The following ZNF710 variants were observed in gnomAD, a reference collection of about 807,000 sequenced individuals.
The protein encoded by ZNF710 is zinc finger protein 710.
A neutral mutation model predicts 50.6 loss-of-function variants in ZNF710; 13 were observed. The observed-to-expected ratio is 0.26, with a 90% CI of 0.17 to 0.41. The LOEUF is 0.41. Ranked by LOEUF, ZNF710 falls within the 10% of genes least tolerant of loss-of-function variation. ZNF710 has a pLI of 1.00. For synonymous variants in ZNF710, 383 were observed against 397.0 expected (o/e 0.96, Z 0.42); for missense variants, 721 against 936.6 (o/e 0.77, Z 3.01).
chr15:90,031,018 C>CATAA (rs1898927654), intron 1 of ZNF710, among the ~76,000 whole-genome samples: 1 of 89,792 alleles, frequency 1.1e-5, no homozygotes, highest in Non-Finnish European at 2.0e-5. Flanking sequence ...GACTCCGTCT[C>CATAA]AAAAAAAAAG....
chr15:90,043,567 A>G (rs566615039), intron 1 of ZNF710, among the ~76,000 whole-genome samples: 1 of 152,238 alleles, frequency 6.6e-6, no homozygotes, highest in Admixed American at 6.5e-5. Flanking sequence ...TATTTTTTGT[A>G]CTTTTAGGAA....
chr15:90,028,010 T>G (rs1338453561), intron 1 of ZNF710, among the ~76,000 whole-genome samples: 4 of 152,226 alleles, frequency 2.6e-5, no homozygotes, highest in Non-Finnish European at 4.4e-5. Context: ...ATTTGTTGAC[T>G]CTATTGAATT....
chr15:90,049,733 C>T (rs1899579859), intron 1 of ZNF710, among the ~76,000 whole-genome samples: 1 of 152,216 alleles, frequency 6.6e-6, no homozygotes, highest in African/African-American at 2.4e-5. Context: ...CTCTGGTTCT[C>T]CTCCCGCCTC....
At chr15:90,051,612 G>A (rs1489597358) in intron 1 of ZNF710, among the ~76,000 whole-genome samples, 1 of 152,162 alleles carries the variant, frequency 6.6e-6, no homozygotes, top group South Asian at 2.1e-4. Flanking sequence ...CAGCCTTGGC[G>A]ACAGAGTGAG....
Position 90,065,253 on chromosome 15 carries a change from G to A in ZNF710, c.-28-1857G>A, listed in dbSNP as rs538509390. Among the ~76,000 whole-genome samples, 110 of 152,298 alleles carry A rather than the reference G, an allele frequency of 7.2e-4. 1 individual carries two copies. The highest frequency in any genetic ancestry group is 1.0e-3 in the South Asian group (5 of 4,822). On this transcript the variant is annotated intron_variant, in intron 1 of 4. Transcript: ENST00000268154. ...CTGGGGGGAGGGGGACGCCTTGCCC[G>A]GAGCCGGTTTCCTGAGGAAGGGCCG...
At chr15:90,075,691 G>C (rs1345335062) in intron 4 of ZNF710, 12 of 152,256 alleles carry the variant, frequency 7.9e-5, no homozygotes, top group African/African-American at 2.9e-4. Flanking sequence ...CAGCTGACCA[G>C]TGAATGGCCT....
At chr15:90,074,000 C>CAAAA in intron 3 of ZNF710, 116 bp from the exon 4 acceptor site, 7 of 808,542 alleles carry the variant, frequency 8.7e-6, no homozygotes, top group Non-Finnish European at 1.2e-5. Context: ...AAAAAAAAAA[C>CAAAA]AAAAAAAAAA....
intron 1 of ZNF710, among the ~76,000 whole-genome samples, chr15:90,030,147 T>C (rs1028211618): frequency 6.7e-6 from 1 of 150,346 alleles, no homozygotes; most frequent in Non-Finnish European, 1.5e-5. Flanking sequence ...CTGGCCAACA[T>C]GGTGAAACCC....
intron 4 of ZNF710, chr15:90,074,632 T>C (rs1038123541): frequency 1.4e-6 from 1 of 736,996 alleles, no homozygotes; most frequent in Admixed American, 3.3e-5. Flanking sequence ...ATGCAGAAAC[T>C]GAAGAACAGA....
At chr15:90,028,508 A>G (rs1009644324) in intron 1 of ZNF710, among the ~76,000 whole-genome samples, 5 of 152,222 alleles carry the variant, frequency 3.3e-5, no homozygotes, top group Admixed American at 6.5e-5. Context: ...GAGTTTACCA[A>G]TGGCCTCCTG....
intron 1 of ZNF710, among the ~76,000 whole-genome samples, chr15:90,011,166 G>A (rs954489863): frequency 6.6e-6 from 1 of 151,926 alleles, no homozygotes; most frequent in Non-Finnish European, 1.5e-5. Context: ...CTGACCTCAC[G>A]TGATCCACCC....
At chr15:90,000,823 G>C (rs548768632), upstream of ZNF710, among the ~76,000 whole-genome samples, 1 of 152,236 alleles carries the variant, frequency 6.6e-6, no homozygotes, top group East Asian at 1.9e-4. Flanking sequence ...CACCCGCACC[G>C]GCTCTCCTCT....
At chr15:90,003,012 T>G (rs1898053587) in intron 1 of ZNF710, among the ~76,000 whole-genome samples, 1 of 152,202 alleles carries the variant, frequency 6.6e-6, no homozygotes, top group Non-Finnish European at 1.5e-5. Flanking sequence ...TAGCTGGGAC[T>G]ACAGGCGCAC....
chr15:89,998,310 CT>C (rs1321318435), upstream of ZNF710, among the ~76,000 whole-genome samples: 1 of 152,204 alleles, frequency 6.6e-6, no homozygotes, highest in Non-Finnish European at 1.5e-5. Flanking sequence ...CAGGTGCCTG[CT>C]CCCAGGGGCC....
intron 4 of ZNF710, among the ~76,000 whole-genome samples, chr15:90,077,203 G>A (rs1347555319): frequency 6.7e-6 from 1 of 148,980 alleles, no homozygotes; most frequent in African/African-American, 2.5e-5. Flanking sequence ...TGGGGACGGT[G>A]TACAGAGATC....
chr15:90,046,410 T>A lies in ZNF710; in HGVS notation c.-28-20700T>A, dbSNP rs114104659. Among the ~76,000 whole-genome samples the A allele has an allele frequency of 5.0e-3, 759 of 151,504 alleles. 4 individuals carry two copies. Among genetic ancestry groups the A allele is most frequent in the African/African-American group, 0.017 (716 of 41,236 alleles). On this transcript the variant is annotated intron_variant, in intron 1 of 4. Transcript: ENST00000268154. ...TTGTAAAGCCTTATGCAAAGGGGAG[T>A]CCTATCCCTGCCCCGCAGAGCCCAG...
intron 3 of ZNF710, among the ~76,000 whole-genome samples, chr15:90,073,581 G>A (rs1900470230): frequency 6.6e-6 from 1 of 152,204 alleles, no homozygotes; most frequent in Admixed American, 6.5e-5. Flanking sequence ...GTGCAGCTCA[G>A]AGAAAGTGGG....
intron 1 of ZNF710, among the ~76,000 whole-genome samples, chr15:90,036,053 G>T (rs530356016): frequency 6.6e-6 from 1 of 152,114 alleles, no homozygotes; most frequent in African/African-American, 2.4e-5. Context: ...AGACGCACTC[G>T]CCCCATCCGG....
intron 1 of ZNF710, among the ~76,000 whole-genome samples, chr15:90,013,442 G>A (rs1347225338): frequency 6.6e-6 from 1 of 152,160 alleles, no homozygotes; most frequent in Non-Finnish European, 1.5e-5. Flanking sequence ...ATGCTTATTA[G>A]GATTCTATCT....
Sources: allele counts gnomAD v4.1 joint callset (sites outside exome capture counted in the v4.1 genomes callset), GRCh38; gene constraint gnomAD v4.1.1; transcripts MANE v1.5; gene names NCBI Gene and HGNC (gene_info 2026-07-23, HGNC 2026-07-21).